PHKA1: variants seen among roughly 807,000 people sequenced by gnomAD.
The protein encoded by PHKA1 is phosphorylase kinase regulatory subunit alpha 1, also known as phosphorylase b kinase regulatory subunit alpha, skeletal muscle isoform.
Under a neutral mutation model 110.2 loss-of-function variants are expected in PHKA1, and 60 were observed. That is an observed-to-expected ratio of 0.54 (90% CI 0.44 to 0.68). PHKA1 has a LOEUF of 0.68. Among genes scored for constraint, PHKA1 ranks in the 30% least tolerant of loss-of-function variants. The pLI is 0.00. For missense variants in PHKA1, 801 were observed against 942.5 expected (o/e 0.85, Z 1.97); for synonymous variants, 316 against 333.6 (o/e 0.95, Z 0.58).
intron 9 of PHKA1, 119 bp from the exon 10 acceptor site, chrX:72,656,361 AG>A (rs1441427685): frequency 1.3e-6 from 1 of 742,401 alleles, no homozygotes; most frequent in Non-Finnish European, 2.0e-6. Context: ...TTCAGGAAGC[AG>A]AGCATGTACA....
At position 72,666,303 on chromosome X, in the gene PHKA1, A is replaced by G; in HGVS notation, c.718-6T>C. On this transcript the variant is annotated splice_polypyrimidine_tract_variant and splice_region_variant and intron_variant, in intron 7 of 31. Coordinates refer to ENST00000373542, the MANE Select transcript of PHKA1 (RefSeq NM_002637.4). ...AGTAGTGAATTTAGGATAGACTAAG[A>G]GAAAAGAAGTTAAGTTTATATAAAA... The G allele has an allele frequency of 8.3e-7, 1 of 1,202,560 alleles. No individual in the cohort carries two copies. The highest frequency in any genetic ancestry group is 1.1e-6 in the Non-Finnish European group (1 of 887,310).
At chrX:72,677,736 T>C (rs930894249) in intron 5 of PHKA1, among the ~76,000 whole-genome samples, 12 of 111,899 alleles carry the variant, frequency 1.1e-4, no homozygotes, top group African/African-American at 3.9e-4. Flanking sequence ...TTGGCTCCTG[T>C]GACCTTTTGA....
chrX:72,619,084 T>G, intron 20 of PHKA1, 130 bp downstream of exon 20: 1 of 555,194 alleles, frequency 1.8e-6, no homozygotes, highest in Admixed American at 2.7e-5. Flanking sequence ...AAAGAACATG[T>G]ATCTTCACCA....
intron 3 of PHKA1, among the ~76,000 whole-genome samples, chrX:72,696,431 C>T (rs2054113498): frequency 9.0e-6 from 1 of 111,510 alleles, no homozygotes; most frequent in Admixed American, 9.5e-5. Context: ...GAAAATCTGC[C>T]TCCCATTCTA....
intron 4 of PHKA1, among the ~76,000 whole-genome samples, chrX:72,694,737 T>C (rs2054086118): frequency 8.9e-6 from 1 of 111,994 alleles, no homozygotes; most frequent in Admixed American, 9.5e-5. Context: ...CCTATAAGCC[T>C]CTTTGATACA....
intron 28 of PHKA1, 30 bp from the exon 29 acceptor site, chrX:72,593,304 CA>C (rs782230402): frequency 8.7e-5 from 94 of 1,076,132 alleles, no homozygotes; most frequent in Middle Eastern, 4.9e-4. Context: ...GAACATAAAT[CA>C]AAAGTTATCT....
chrX:72,703,561 G>C (rs1488280134), intron 3 of PHKA1, among the ~76,000 whole-genome samples: 2 of 110,946 alleles, frequency 1.8e-5, no homozygotes, highest in Non-Finnish European at 3.8e-5. Flanking sequence ...CACACCTGTA[G>C]TCCCAGTGAT....
intron 7 of PHKA1, 72 bp from the exon 8 acceptor site, chrX:72,666,369 A>T: frequency 1.2e-6 from 1 of 868,308 alleles, no homozygotes. Flanking sequence ...TCTTATCAAC[A>T]CACATGATAT....
chrX:72,693,507 C>T (rs1181987737), intron 4 of PHKA1, among the ~76,000 whole-genome samples: 1 of 112,062 alleles, frequency 8.9e-6, no homozygotes. Flanking sequence ...CAGTGGCCCA[C>T]TTCTTTTGGA....
chrX:72,680,938 G>T (rs1556314426), intron 5 of PHKA1, among the ~76,000 whole-genome samples: 1 of 60,845 alleles, frequency 1.6e-5, no homozygotes, highest in Admixed American at 2.0e-4. Context: ...GCCTCTGCCC[G>T]GCTGCCACCC....
chrX:72,655,917 G>A (rs2053491545), intron 10 of PHKA1, among the ~76,000 whole-genome samples: 1 of 112,356 alleles, frequency 8.9e-6, no homozygotes, highest in Non-Finnish European at 1.9e-5. Flanking sequence ...ACCACACGCG[G>A]CCGAAACCAA....
chrX:72,580,919 C>A lies in PHKA1; in HGVS notation c.*83G>T. The A allele has an allele frequency of 2.3e-6, 2 of 877,847 alleles. No homozygotes were observed. Among genetic ancestry groups the A allele is most frequent in the South Asian group, 4.2e-5 (2 of 47,325 alleles). 72.3% of individuals were successfully genotyped at this position (877,847 alleles called of 1,213,427 possible). A position where few individuals can be genotyped will look rare whatever the true frequency, so the allele number is the denominator to read the frequency against. On this transcript the variant is annotated 3_prime_UTR_variant, in exon 32 of 32. Coordinates refer to ENST00000373542, the MANE Select transcript of PHKA1 (RefSeq NM_002637.4). ...AAGGGGCAGGGTTGGAGTGATTAGG[C>A]AATAACATTTTAGTTCCATGCACAA...
At chrX:72,614,092 T>C (rs782356478) in intron 21 of PHKA1, among the ~76,000 whole-genome samples, 1 of 112,177 alleles carries the variant, frequency 8.9e-6, no homozygotes, top group Non-Finnish European at 1.9e-5. Flanking sequence ...TAGTTAATAG[T>C]ATTGGTTTAA....
intron 15 of PHKA1, 112 bp downstream of exon 15, chrX:72,636,165 G>A (rs2053227680): frequency 1.9e-6 from 1 of 522,869 alleles, no homozygotes. Context: ...TATGTGCAAG[G>A]CCTGGTGGAA....
Position 72,619,250 on chromosome X carries a change from G to T in PHKA1, c.2193C>A (p.Asn731Lys). 1 of 1,195,655 alleles carries T rather than the reference G, an allele frequency of 8.4e-7. No homozygotes were observed. The highest frequency in any genetic ancestry group is 1.1e-6 in the Non-Finnish European group (1 of 881,083). Residue 731 changes from asparagine (N) to lysine (K), a missense_variant, in exon 20 of 32, where the codon AAC becomes AAA. Physicochemically the swap from Asn to Lys is moderately conservative, Grantham distance 94. This residue lies in a region of PHKA1 where 502 missense variants were observed against 519.2 expected (regional missense o/e 0.97). Transcript: ENST00000373542. ...KLFQASRPSF[N>K]LLDSPHPRQE... The stretch of plus-strand genomic sequence containing the variant: ...GTCGGGGATGAGGTGAATCAAGTAA[G>T]TTGAATGAAGGCCGGGAAGCCTGAA...
chrX:72,583,260 CAATT>C lies in PHKA1; in HGVS notation c.3298-666_3298-663del, dbSNP rs782785110. The stretch of plus-strand genomic sequence containing the variant: ...TACTTACTAGTTATACAACCTTAGA[CAATT>C]AATCTCTAAATTTGTTTCCTTATCC... On this transcript the variant is annotated intron_variant, in intron 30 of 31. Coordinates refer to ENST00000373542, the MANE Select transcript of PHKA1 (RefSeq NM_002637.4). Among the ~76,000 whole-genome samples the C allele has an allele frequency of 4.5e-3, 501 of 111,579 alleles. 1 individual carries two copies. Among genetic ancestry groups the C allele is most frequent in the African/African-American group, 0.016 (484 of 30,742 alleles).
rs58583639 is a variant in PHKA1 at position 72,713,670 on chromosome X, TCACA to T, written c.78+129_78+132del. The T allele has an allele frequency of 0.018, 8,532 of 474,982 alleles. 403 individuals are homozygous for T. In the African/African-American group the frequency reaches 0.18, roughly 10 times the overall value. 39.1% of individuals were successfully genotyped at this position (474,982 alleles called of 1,213,427 possible). A position where few individuals can be genotyped will look rare whatever the true frequency, so the allele number is the denominator to read the frequency against. Reference sequence around the variant, plus strand: ...ACGCGGAGTTCATGCAAGGTCTCCGTCACACACACACACACACACACACACACAC... The same window carrying T: ...ACGCGGAGTTCATGCAAGGTCTCCGTCACACACACACACACACACACACAC... On this transcript the variant is annotated intron_variant, in intron 1 of 31. Transcript: ENST00000373542.
At chrX:72,609,120 A>G (rs188424938) in intron 23 of PHKA1, among the ~76,000 whole-genome samples, 1 of 112,272 alleles carries the variant, frequency 8.9e-6, no homozygotes, top group East Asian at 2.8e-4. Flanking sequence ...GGCCAAGCCT[A>G]TCTTAGGGTA....
chrX:72,670,887 G>A (rs868952324), intron 6 of PHKA1, among the ~76,000 whole-genome samples: 3 of 111,509 alleles, frequency 2.7e-5, no homozygotes, highest in African/African-American at 9.8e-5. Context: ...ATTCAACAAC[G>A]CTTCATGCTA....
Sources: allele counts gnomAD v4.1 joint callset (sites outside exome capture counted in the v4.1 genomes callset), GRCh38; gene constraint gnomAD v4.1.1; regional missense constraint gnomAD v4.1.1; transcripts MANE v1.5; gene names NCBI Gene and HGNC (gene_info 2026-07-23, HGNC 2026-07-21).